Variants in PTGS1 observed in about 807,000 individuals in gnomAD.
The protein encoded by PTGS1 is prostaglandin G/H synthase 1.
In PTGS1, 40 loss-of-function variants were observed where a neutral mutation model predicts 63.0. The observed-to-expected ratio is 0.63, with a 90% CI of 0.49 to 0.83. The LOEUF is 0.83. Among genes scored for constraint, PTGS1 ranks in the 40% least tolerant of loss-of-function variants. The pLI, the probability that PTGS1 is intolerant of heterozygous loss-of-function variation, is 0.00. For missense variants in PTGS1, 709 were observed against 786.5 expected (o/e 0.90, Z 1.18); for synonymous variants, 298 against 301.9 (o/e 0.99, Z 0.13).
At chr9:122,380,466 A>T (rs922601326) in intron 5 of PTGS1, among the ~76,000 whole-genome samples, 3 of 145,788 alleles carry the variant, frequency 2.1e-5, no homozygotes, top group Non-Finnish European at 3.0e-5. Context: ...CCCTGTCTCA[A>T]AAATAAATAA....
At position 122,378,802 on chromosome 9, in the gene PTGS1, C is replaced by A. The variant is rs1207199723; in HGVS notation, c.380C>A (p.Pro127His). ...CGCTCCAACCTTATCCCCAGTCCCCCCACCTACAACTCAGCACATGACTAC... is the reference window on the plus strand; with the variant it reads ...CGCTCCAACCTTATCCCCAGTCCCCACACCTACAACTCAGCACATGACTAC... The part of the protein sequence containing the change: ...TVRSNLIPSP[P>H]TYNSAHDYIS... Residue 127 changes from proline (P) to histidine (H), a missense_variant, in exon 5 of 11, where the codon CCC becomes CAC. Coordinates refer to ENST00000362012, the MANE Select transcript of PTGS1 (RefSeq NM_000962.4). The A allele has an allele frequency of 6.2e-7, 1 of 1,614,136 alleles. No homozygotes were observed. The highest frequency in any genetic ancestry group is 8.5e-7 in the Non-Finnish European group (1 of 1,180,046).
chr9:122,391,889 C>G (rs938300819), intron 10 of PTGS1, among the ~76,000 whole-genome samples: 1 of 152,016 alleles, frequency 6.6e-6, no homozygotes, highest in Non-Finnish European at 1.5e-5. Context: ...TAATTAGGGC[C>G]CAGAGTTGCT....
At chr9:122,390,765 C>T (rs1308068349) in intron 10 of PTGS1, among the ~76,000 whole-genome samples, 1 of 152,058 alleles carries the variant, frequency 6.6e-6, no homozygotes, top group Admixed American at 6.6e-5. Context: ...GGCATGGAGG[C>T]AGGCGCCTGT....
intron 2 of PTGS1, among the ~76,000 whole-genome samples, chr9:122,373,490 C>A (rs900079170): frequency 7.9e-5 from 12 of 152,150 alleles, no homozygotes; most frequent in Non-Finnish European, 1.6e-4. Context: ...AGATGGAGGC[C>A]AGCCTGGAGG....
intron 2 of PTGS1, chr9:122,371,970 T>C: frequency 1.5e-6 from 1 of 676,928 alleles, no homozygotes; most frequent in South Asian, 1.8e-5. Flanking sequence ...CCGGAGCCAC[T>C]CTGGGTTTCA....
Position 122,392,903 on chromosome 9 carries a change from T to C in PTGS1, c.*359T>C, listed in dbSNP as rs1003400192. 38 of 190,846 alleles carry C rather than the reference T, an allele frequency of 2.0e-4. No individual in the cohort carries two copies. Among genetic ancestry groups the C allele is most frequent in the Non-Finnish European group, 3.3e-5 (3 of 91,578 alleles). The allele number at this position is 190,846 out of a possible 1,614,324, so 11.8% of individuals were successfully genotyped here. A position where few individuals can be genotyped will look rare whatever the true frequency, so the allele number is the denominator to read the frequency against. ...ATCTGCTAGAAAGTTAGGGGGTTCT[T>C]ATTTTGCATTCCAGAATCTTGACTT... On this transcript the variant is annotated 3_prime_UTR_variant, in exon 11 of 11. Transcript: ENST00000362012.
At chr9:122,375,109 C>G (rs1837040965) in intron 2 of PTGS1, among the ~76,000 whole-genome samples, 1 of 152,220 alleles carries the variant, frequency 6.6e-6, no homozygotes, top group Non-Finnish European at 1.5e-5. Flanking sequence ...TCCGCCCACC[C>G]TGACACCTTG....
rs1838141692 is a variant in PTGS1, at chr9:122,390,363, G to A, written c.1444+18G>A. 1 of 1,612,834 alleles carries A rather than the reference G, an allele frequency of 6.2e-7. No homozygotes were observed. The highest frequency in any genetic ancestry group is 1.3e-5 in the African/African-American group (1 of 74,918). On this transcript the variant is annotated intron_variant, in intron 10 of 10. Transcript: ENST00000362012. ...GCTCGTAGGTGAGCAGCTGTTTCCT[G>A]GATGCAGTCCCTGCCCTTGAGGGAC...
chr9:122,386,150 G>T (rs1036094398), intron 8 of PTGS1, among the ~76,000 whole-genome samples: 4 of 150,008 alleles, frequency 2.7e-5, no homozygotes, highest in African/African-American at 9.8e-5. Flanking sequence ...AAAAAAGAAA[G>T]AAAGAAAGCT....
At chr9:122,388,293 G>C (rs113788796) in intron 9 of PTGS1, among the ~76,000 whole-genome samples, 1 of 151,998 alleles carries the variant, frequency 6.6e-6, no homozygotes, top group African/African-American at 2.4e-5. Flanking sequence ...CGATCTGCCC[G>C]CCTAGGCCTC....
intron 10 of PTGS1, 21 bp downstream of exon 10, chr9:122,390,366 T>C (rs1168472714): frequency 6.2e-7 from 1 of 1,612,334 alleles, no homozygotes; most frequent in Non-Finnish European, 8.5e-7. Flanking sequence ...GTTTCCTGGA[T>C]GCAGTCCCTG....
intron 2 of PTGS1, among the ~76,000 whole-genome samples, chr9:122,377,197 ACTT>A (rs1314499717): frequency 6.6e-6 from 1 of 151,994 alleles, no homozygotes; most frequent in Non-Finnish European, 1.5e-5. Context: ...GTTCTGGAAA[ACTT>A]CTTTCCTTAG....
rs955167643 is a variant in PTGS1, at chr9:122,375,408, C to T, written c.95-2491C>T. On this transcript the variant is annotated intron_variant, in intron 2 of 10. Transcript: ENST00000362012. ...CTCCACCTCAGACAGCTGTTGAGGG[C>T]CTGGAAGATGAGGGACTCCTTTTGG... 15 of 985,352 alleles carry T rather than the reference C, an allele frequency of 1.5e-5. 1 individual carries two copies. In the African/African-American group the frequency reaches 2.4e-4, roughly 16 times the overall value. 61.0% of individuals were successfully genotyped at this position (985,352 alleles called of 1,614,324 possible).
intron 8 of PTGS1, among the ~76,000 whole-genome samples, chr9:122,385,019 G>A (rs1159599581): frequency 2.0e-5 from 3 of 152,126 alleles, no homozygotes; most frequent in South Asian, 4.1e-4. Context: ...GTGCAATGGC[G>A]TGATCTTGGC....
intron 10 of PTGS1, among the ~76,000 whole-genome samples, chr9:122,391,372 CATAT>C (rs5900523): frequency 1.7e-3 from 145 of 84,628 alleles, no homozygotes; most frequent in Middle Eastern, 0.011. Flanking sequence ...TATATATATA[CATAT>C]ATATATATAC....
At chr9:122,375,416 A>T (rs10306135) in intron 2 of PTGS1, 134,554 of 985,268 alleles carry the variant, frequency 0.14, 9,412 homozygotes, top group South Asian at 0.17. Context: ...GGCCTGGAAG[A>T]TGAGGGACTC....
chr9:122,386,467 T>A lies in PTGS1; in HGVS notation c.1031T>A (p.Ile344Asn). Residue 344 changes from isoleucine to asparagine, a missense_variant, in exon 9 of 11, where the codon ATC becomes AAC. Ile to Asn is a moderately radical substitution (Grantham distance 149). Coordinates refer to ENST00000362012, the MANE Select transcript of PTGS1 (RefSeq NM_000962.4). ...CCAGGGGAGACCATCAAGATTGTCA[T>A]CGAGGAGTACGTGCAGCAGCTGAGT... ...ILIGETIKIV[I>N]EEYVQQLSGY... is the part of the protein sequence containing the mutation. The A allele has an allele frequency of 6.2e-7, 1 of 1,614,178 alleles. No homozygotes were observed. Among genetic ancestry groups the A allele is most frequent in the Non-Finnish European group, 8.5e-7 (1 of 1,180,018 alleles).
intron 2 of PTGS1, among the ~76,000 whole-genome samples, chr9:122,373,721 T>C (rs949042428): frequency 6.6e-6 from 1 of 152,186 alleles, no homozygotes; most frequent in Non-Finnish European, 1.5e-5. Context: ...CCAGCACCAG[T>C]TGGGTCTGTG....
chr9:122,371,895 G>T (rs202238324), intron 2 of PTGS1: 6 of 1,232,276 alleles, frequency 4.9e-6, no homozygotes, highest in South Asian at 3.9e-5. Context: ...CTGAACTCAG[G>T]TCTGTCTGCG....
Sources: allele counts gnomAD v4.1 joint callset (sites outside exome capture counted in the v4.1 genomes callset), GRCh38; gene constraint gnomAD v4.1.1; transcripts MANE v1.5; gene names NCBI Gene and HGNC (gene_info 2026-07-23, HGNC 2026-07-21).